Variants in UBAP2L observed in about 807,000 individuals in gnomAD.
The protein encoded by UBAP2L is ubiquitin-associated protein 2-like.
In UBAP2L, 12 loss-of-function variants were observed where a neutral mutation model predicts 130.6. The observed-to-expected ratio is 0.09, with a 90% CI of 0.06 to 0.15. The LOEUF (loss-of-function observed/expected upper bound fraction) is 0.15, where lower values mean the gene tolerates loss of function less well. UBAP2L is among the 10% of genes least tolerant of loss of function. UBAP2L has a pLI of 1.00. For missense variants in UBAP2L, 965 were observed against 1,332.5 expected (o/e 0.72, Z 4.29); for synonymous variants, 503 against 524.7 (o/e 0.96, Z 0.57).
intron 26 of UBAP2L, chr1:154,269,499 T>A: frequency 1.7e-6 from 2 of 1,147,240 alleles, no homozygotes; most frequent in Non-Finnish European, 2.3e-6. Context: ...TTGAAAAGAC[T>A]GCGCGGTCAC....
Position 154,254,434 on chromosome 1 carries a change from A to G in UBAP2L, c.1854+345A>G, listed in dbSNP as rs1460054561. Among the ~76,000 whole-genome samples, 7 of 152,202 alleles carry G rather than the reference A, an allele frequency of 4.6e-5. No individual in the cohort carries two copies. The East Asian group carries it at 9.6e-4, about 21-fold the overall frequency. ...TAAGTCCTGGCATGGTGAGGGAGAC[A>G]GCATGTGCCAGAGGTGATGTGGAGT... is the stretch of plus-strand genomic sequence containing the variant. On this transcript the variant is annotated intron_variant, in intron 15 of 26. Coordinates refer to ENST00000428931, the MANE Select transcript of UBAP2L (RefSeq NM_014847.4).
At chr1:154,263,166 TG>T in intron 24 of UBAP2L, 1 of 1,551,982 alleles carries the variant, frequency 6.4e-7, no homozygotes, top group Non-Finnish European at 8.7e-7. Context: ...GGCCCAAGGC[TG>T]GGGGCTGTGT....
rs546826266 is a variant in UBAP2L, at chr1:154,249,286, C to T, written c.1062C>T (p.Gly354=). The part of the protein sequence containing the change: ...KGFGDVGEAK[G]GSTTGSQFLE... ...TTGGTGATGTCGGTGAAGCTAAAGG[C>T]GGCAGTACTACAGGCTCCCAGTTCT... is the stretch of plus-strand genomic sequence containing the variant. Residue 354 remains glycine, a synonymous_variant, in exon 12 of 27, where the codon GGC becomes GGT. Coordinates refer to ENST00000428931, the MANE Select transcript of UBAP2L (RefSeq NM_014847.4). The T allele has an allele frequency of 9.3e-6, 15 of 1,613,982 alleles. No individual in the cohort carries two copies. The highest frequency in any genetic ancestry group is 1.2e-5 in the Non-Finnish European group (14 of 1,180,036).
rs1680593068 is a variant in UBAP2L, at chr1:154,259,016, A to G, written c.2482A>G (p.Thr828Ala). 1 of 1,614,030 alleles carries G rather than the reference A, an allele frequency of 6.2e-7. No homozygotes were observed. The highest frequency in any genetic ancestry group is 8.5e-7 in the Non-Finnish European group (1 of 1,179,926). ...TTATGATGACTTGCAGATGCTTCAGACAAGATTTCCATTGGTGAGTATGTG... is the reference window on the plus strand; with the variant it reads ...TTATGATGACTTGCAGATGCTTCAGGCAAGATTTCCATTGGTGAGTATGTG... ...YGYDDLQMLQ[T>A]RFPLDYYSIP... Residue 828 changes from threonine to alanine, a missense_variant, in exon 21 of 27, where the codon ACA (threonine) becomes GCA (alanine). Thr to Ala is a moderately conservative substitution (Grantham distance 58, BLOSUM62 0). Transcript: ENST00000428931.
rs1199233463 is a variant in UBAP2L, at chr1:154,234,754, G to A, written c.443G>A (p.Arg148Gln). The stretch of plus-strand genomic sequence containing the variant: ...CGGGGGAGAGGTGCCAGCCGTGGAC[G>A]AGAGTGTATGCATGGGGCTTTATCA... ...PRRGRGASRG[R>Q]EFRGQENGLD... Residue 148 changes from arginine (R) to glutamine (Q), a missense_variant, in exon 5 of 27, where the codon CGA becomes CAA. Coordinates refer to ENST00000428931, the MANE Select transcript of UBAP2L (RefSeq NM_014847.4). The A allele has an allele frequency of 2.5e-6, 4 of 1,589,444 alleles. No homozygotes were observed. The highest frequency in any genetic ancestry group is 2.3e-5 in the South Asian group (2 of 88,086).
chr1:154,263,110 A>C (rs1185762530), intron 24 of UBAP2L: 1 of 1,551,696 alleles, frequency 6.4e-7, no homozygotes, highest in Non-Finnish European at 8.7e-7. Flanking sequence ...TAGGAAGAAA[A>C]TATCCACCCC....
At chr1:154,249,746 G>A (rs1676844529) in intron 12 of UBAP2L, among the ~76,000 whole-genome samples, 1 of 151,776 alleles carries the variant, frequency 6.6e-6, no homozygotes, top group Admixed American at 6.6e-5. Flanking sequence ...AGAACAGCCT[G>A]AGCAACATAT....
chr1:154,267,259 G>A (rs549416308), intron 25 of UBAP2L, among the ~76,000 whole-genome samples: 1 of 147,756 alleles, frequency 6.8e-6, no homozygotes, highest in African/African-American at 2.5e-5. Flanking sequence ...GGGTTTAAGC[G>A]GTTCTCCTGC....
chr1:154,233,746 A>G (rs1281424044), intron 4 of UBAP2L, among the ~76,000 whole-genome samples: 1 of 151,348 alleles, frequency 6.6e-6, no homozygotes, highest in Non-Finnish European at 1.5e-5. Context: ...CGTGCCCAAG[A>G]GTAGAATGCT....
intron 6 of UBAP2L, among the ~76,000 whole-genome samples, chr1:154,236,330 C>G (rs1002007405): frequency 6.6e-6 from 1 of 152,152 alleles, no homozygotes; most frequent in African/African-American, 2.4e-5. Flanking sequence ...CCTCAAGGAG[C>G]TGGGACTATA....
At chr1:154,224,705 A>C (rs1298691479) in intron 1 of UBAP2L, among the ~76,000 whole-genome samples, 4 of 152,184 alleles carry the variant, frequency 2.6e-5, no homozygotes, top group Admixed American at 2.6e-4. Flanking sequence ...TCCTTCCTGG[A>C]AGGTTTTTGT....
rs560567771 is a variant in UBAP2L at position 154,231,040 on chromosome 1, G to A, written c.279+2315G>A. 7.2e-5 allele frequency among the ~76,000 whole-genome samples: 11 copies of A among 152,314 alleles called. No homozygotes were observed. The South Asian group carries it at 2.3e-3, about 32-fold the overall frequency. ...ACAGGGTTGTTCTAACTTACTGTGA[G>A]CATAAAATGACCCACTAACTGTAAT... is the stretch of plus-strand genomic sequence containing the variant. On this transcript the variant is annotated intron_variant, in intron 4 of 26. Transcript: ENST00000428931.
At chr1:154,226,947 C>T (rs529181040) in intron 2 of UBAP2L, among the ~76,000 whole-genome samples, 10 of 152,280 alleles carry the variant, frequency 6.6e-5, no homozygotes, top group Admixed American at 2.6e-4. Flanking sequence ...CTCAGCCTCC[C>T]GAGTAGCTGG....
intron 8 of UBAP2L, among the ~76,000 whole-genome samples, 190 bp downstream of exon 8, chr1:154,237,326 T>G (rs956154372): frequency 2.6e-5 from 4 of 152,266 alleles, no homozygotes; most frequent in African/African-American, 9.6e-5. Context: ...ACATGTTATT[T>G]CGCTTAATGC....
chr1:154,252,840 T>C (rs1306006965), intron 14 of UBAP2L, among the ~76,000 whole-genome samples: 1 of 152,050 alleles, frequency 6.6e-6, no homozygotes, highest in Non-Finnish European at 1.5e-5. Context: ...ATTACAGGCG[T>C]GAGCCACCAC....
At chr1:154,252,453 G>C (rs1453164445) in intron 14 of UBAP2L, among the ~76,000 whole-genome samples, 1 of 146,410 alleles carries the variant, frequency 6.8e-6, no homozygotes, top group Non-Finnish European at 1.5e-5. Context: ...GCTAATTTTT[G>C]TATTTTTAGT....
chr1:154,236,060 A>G (rs545202643), intron 6 of UBAP2L, among the ~76,000 whole-genome samples: 9 of 152,304 alleles, frequency 5.9e-5, no homozygotes, highest in African/African-American at 1.4e-4. Flanking sequence ...GCTTGAGGAC[A>G]TGGTAGTCTG....
At chr1:154,220,945 G>A, upstream of UBAP2L, 1 of 181,300 alleles carries the variant, frequency 5.5e-6, no homozygotes, top group Non-Finnish European at 1.2e-5. Flanking sequence ...GGGGCGGCGC[G>A]GCCCGGGGTG....
chr1:154,236,736 T>C (rs1255484021), intron 7 of UBAP2L, 125 bp downstream of exon 7: 2 of 998,362 alleles, frequency 2.0e-6, no homozygotes, highest in African/African-American at 3.3e-5. Flanking sequence ...AGGGCTCATT[T>C]CTTAGGGATA....
Sources: gnomAD v4.1 joint callset for allele counts (sites outside exome capture counted in the v4.1 genomes callset) on GRCh38, gnomAD v4.1.1 for gene constraint, MANE v1.5 for transcripts, NCBI Gene and HGNC (gene_info 2026-07-23, HGNC 2026-07-21) for gene names.